The following ZNF644 variants were observed in gnomAD, a reference collection of about 807,000 sequenced individuals.
ZNF644 encodes the protein zinc finger motif enhancer binding protein 2.
Under a neutral mutation model 108.0 loss-of-function variants are expected in ZNF644, and 20 were observed. The ratio of observed to expected loss-of-function variants is 0.19; its 90% CI spans 0.13 to 0.27. The LOEUF is 0.27. Ranked by LOEUF, ZNF644 falls within the 10% of genes least tolerant of loss-of-function variation. The probability of loss-of-function intolerance (pLI) is 1.00; values close to 1 mark genes in which losing one functional copy is unlikely to be tolerated. For synonymous variants in ZNF644, 542 were observed against 539.1 expected, an observed-to-expected ratio of 1.01 and a Z score of -0.08; for missense variants, 1,338 against 1,548.9, an observed-to-expected ratio of 0.86 and a Z score of 2.29.
intron 1 of ZNF644, among the ~76,000 whole-genome samples, chr1:91,017,713 G>C (rs1660549988): frequency 6.6e-6 from 1 of 152,202 alleles, no homozygotes; most frequent in Non-Finnish European, 1.5e-5. Flanking sequence ...TGTAATCCCA[G>C]CACTTTGGGA....
chr1:90,987,164 A>C (rs1215642098), intron 1 of ZNF644, among the ~76,000 whole-genome samples: 1 of 150,998 alleles, frequency 6.6e-6, no homozygotes, highest in Non-Finnish European at 1.5e-5. Context: ...AAGGGAGAAA[A>C]ATAATACATA....
intron 4 of ZNF644, among the ~76,000 whole-genome samples, chr1:90,920,912 T>C (rs1015578129): frequency 4.6e-5 from 7 of 152,146 alleles, no homozygotes; most frequent in Admixed American, 4.6e-4. Flanking sequence ...TGAAATGTTA[T>C]ATTTTTGAGC....
In ZNF644 at chr1:90,938,917, T is replaced by C; in HGVS notation, c.2437A>G (p.Lys813Glu). The C allele has an allele frequency of 1.2e-6, 2 of 1,614,044 alleles. No homozygotes were observed. Among genetic ancestry groups the C allele is most frequent in the Non-Finnish European group, 1.7e-6 (2 of 1,179,966 alleles). The change falls in exon 3 of 6, where the codon AAG becomes GAG. Residue 813 changes from lysine to glutamate, a missense_variant. By Grantham distance (56) the Lys-to-Glu change is moderately conservative (BLOSUM62 1). Transcript: ENST00000337393. This position sits in a 1 kb window ranked among gnomAD's most constrained non-coding sequence, Gnocchi z 4.2. ...HRRVAVKRVIKESKKESSVGG... is the reference protein window; with the variant it reads ...HRRVAVKRVIEESKKESSVGG... ...ACAGAACTTTCCTTCTTAGATTCCT[T>C]AATTACTCTCTTTACAGCTACACGT...
At chr1:91,005,052 G>T (rs902357587) in intron 1 of ZNF644, among the ~76,000 whole-genome samples, 5 of 151,676 alleles carry the variant, frequency 3.3e-5, no homozygotes, top group African/African-American at 1.2e-4. Flanking sequence ...AGGCAGAAGG[G>T]GTAAAAAACA....
chr1:90,934,227 TG>T (rs1373806943), intron 4 of ZNF644, among the ~76,000 whole-genome samples: 8 of 152,150 alleles, frequency 5.3e-5, no homozygotes, highest in Non-Finnish European at 1.2e-4. Context: ...CATTCATCCC[TG>T]GTCATTTGTA....
chr1:91,009,894 C>T (rs1659790771), intron 1 of ZNF644, among the ~76,000 whole-genome samples: 1 of 152,084 alleles, frequency 6.6e-6, no homozygotes, highest in African/African-American at 2.4e-5. Context: ...CTTATTTTAG[C>T]TCTGCACTAC....
chr1:90,972,717 G>A (rs1225564971), intron 2 of ZNF644: 1 of 152,172 alleles, frequency 6.6e-6, no homozygotes, highest in African/African-American at 2.4e-5. Context: ...AGCAACACAG[G>A]TGTCCACCAA....
Position 90,918,056 on chromosome 1 carries a change from A to G in ZNF644, c.3787T>C (p.Cys1263Arg), listed in dbSNP as rs779584242. The change falls in exon 5 of 6, where the codon TGC (cysteine) becomes CGC (arginine). Residue 1263 changes from cysteine (C) to arginine (R), a missense_variant. Cys to Arg is a radical substitution (Grantham distance 180). This residue lies in a region of ZNF644 where 287 missense variants were observed against 310.9 expected (regional missense o/e 0.92). Transcript: ENST00000337393. ...HGADEVYILR[C>R]RFCGLVFRGP... is the part of the protein sequence containing the mutation. ...TTTGGCAATATAGGCATATACCTGC[A>G]TCGGAGAATGTAAACCTCGTCAGCA... The G allele has an allele frequency of 1.2e-6, 2 of 1,613,670 alleles. No individual in the cohort carries two copies. The highest frequency in any genetic ancestry group is 8.5e-7 in the Non-Finnish European group (1 of 1,179,588).
intron 1 of ZNF644, among the ~76,000 whole-genome samples, chr1:90,997,829 A>T (rs1468166262): frequency 1.3e-5 from 2 of 152,206 alleles, no homozygotes; most frequent in Non-Finnish European, 2.9e-5. Context: ...GCATCTGGAA[A>T]ATTGGGTCAC....
At chr1:91,002,379 G>C (rs1043128327) in intron 1 of ZNF644, among the ~76,000 whole-genome samples, 2 of 151,962 alleles carry the variant, frequency 1.3e-5, no homozygotes, top group African/African-American at 4.8e-5. Context: ...ATACCACACA[G>C]CTACAACCAT....
At chr1:90,953,000 C>T (rs1653343031) in intron 2 of ZNF644, among the ~76,000 whole-genome samples, 1 of 126,020 alleles carries the variant, frequency 7.9e-6, no homozygotes, top group African/African-American at 3.0e-5. Context: ...AAAGAGACAA[C>T]AATTAGACTG....
intron 4 of ZNF644, among the ~76,000 whole-genome samples, chr1:90,932,739 A>T (rs1403689464): frequency 6.6e-6 from 1 of 152,176 alleles, no homozygotes; most frequent in African/African-American, 2.4e-5. Context: ...TAAGCAGCAA[A>T]GACATCTGTA....
At chr1:91,010,494 C>CA (rs1659860956) in intron 1 of ZNF644, among the ~76,000 whole-genome samples, 1 of 151,556 alleles carries the variant, frequency 6.6e-6, no homozygotes, top group South Asian at 2.1e-4. Flanking sequence ...TCAGGTGCTC[C>CA]ACCTGCCTCA....
intron 2 of ZNF644, among the ~76,000 whole-genome samples, chr1:90,947,472 G>A (rs957083504): frequency 1.3e-5 from 2 of 152,092 alleles, no homozygotes; most frequent in African/African-American, 4.8e-5. Context: ...AGAAACCAAT[G>A]TACCTAAGTA....
chr1:90,922,172 A>C (rs1431220526), intron 4 of ZNF644, among the ~76,000 whole-genome samples: 1 of 152,178 alleles, frequency 6.6e-6, no homozygotes, highest in Non-Finnish European at 1.5e-5. Context: ...GATAAAGCAC[A>C]CCATAACTAA....
chr1:90,960,554 G>A (rs531020350), intron 2 of ZNF644, among the ~76,000 whole-genome samples: 7 of 152,218 alleles, frequency 4.6e-5, no homozygotes, highest in East Asian at 1.9e-4. Flanking sequence ...ATGGTTAATC[G>A]TATGTAATGT....
At chr1:90,996,970 TCCC>T (rs1658204009) in intron 1 of ZNF644, among the ~76,000 whole-genome samples, 1 of 151,964 alleles carries the variant, frequency 6.6e-6, no homozygotes, top group Non-Finnish European at 1.5e-5. Flanking sequence ...ATAAAAAGCT[TCCC>T]CCAATACCCT....
Position 90,967,887 on chromosome 1 carries a change from A to C in ZNF644, c.44+14423T>G, listed in dbSNP as rs553107794. Among the ~76,000 whole-genome samples, 3 of 113,948 alleles carry C rather than the reference A, an allele frequency of 2.6e-5. No homozygotes were observed. In the Admixed American group the frequency reaches 3.0e-4, roughly 11 times the overall value. 74.8% of individuals were successfully genotyped at this position (113,948 alleles called of 152,430 possible). ...ATGGTGAAACCCCGTCTCTACTAAA[A>C]AAAATACAAAAAAAAAAAAAAAAAT... On this transcript the variant is annotated intron_variant, in intron 2 of 5. Coordinates refer to ENST00000337393, the MANE Select transcript of ZNF644 (RefSeq NM_201269.3).
At chr1:90,960,503 G>A (rs894111358) in intron 2 of ZNF644, among the ~76,000 whole-genome samples, 2 of 152,008 alleles carry the variant, frequency 1.3e-5, no homozygotes, top group African/African-American at 4.8e-5. Context: ...GGATAAAGAG[G>A]GACTACTGTT....
Sources: gnomAD v4.1 joint callset for allele counts (sites outside exome capture counted in the v4.1 genomes callset) on GRCh38, gnomAD v4.1.1 for gene constraint, gnomAD v4.1.1 regional missense constraint, Gnocchi (gnomAD v3.1) non-coding constraint, MANE v1.5 for transcripts, NCBI Gene and HGNC (gene_info 2026-07-23, HGNC 2026-07-21) for gene names.